Variants in ADAM10 observed in about 807,000 individuals in gnomAD.
ADAM10 encodes disintegrin and metalloproteinase domain-containing protein 10.
Under a neutral mutation model 90.1 loss-of-function variants are expected in ADAM10, and 17 were observed. That is an observed-to-expected ratio of 0.19 (90% CI 0.13 to 0.28). The LOEUF (loss-of-function observed/expected upper bound fraction) is 0.28, where lower values mean the gene tolerates loss of function less well. Among genes scored for constraint, ADAM10 ranks in the 10% least tolerant of loss-of-function variants. ADAM10 has a pLI of 1.00. For missense variants in ADAM10, 610 were observed against 914.3 expected, an observed-to-expected ratio of 0.67 and a Z score of 4.29; for synonymous variants, 310 against 298.6, an observed-to-expected ratio of 1.04 and a Z score of -0.40.
intron 1 of ADAM10, among the ~76,000 whole-genome samples, chr15:58,745,287 T>G (rs1413352827): frequency 6.6e-6 from 1 of 152,224 alleles, no homozygotes; most frequent in African/African-American, 2.4e-5. Flanking sequence ...ATTGCTGAAG[T>G]TATTGTTCCT....
rs567778269 is a variant in ADAM10 at position 58,729,919 on chromosome 15, G to A, written c.56-12192C>T. 2.7e-5 allele frequency among the ~76,000 whole-genome samples: 4 copies of A among 146,944 alleles called. No individual in the cohort carries two copies. The South Asian group carries it at 9.1e-4, about 33-fold the overall frequency. On this transcript the variant is annotated intron_variant, in intron 1 of 15. Coordinates refer to ENST00000260408, the MANE Select transcript of ADAM10 (RefSeq NM_001110.4). ...GGAGGCTGCGGCGAGCCAAGACCGT[G>A]CCACTGTACTCCAGCGTAAGCAACA...
chr15:58,621,452 A>T lies in ADAM10; in HGVS notation c.1511+19T>A. ...GTAACTTTACAAGAATGTTAACATC[A>T]CTGAAATTAGCAAGGTACCTGCACT... On this transcript the variant is annotated intron_variant, in intron 11 of 15. Coordinates refer to ENST00000260408, the MANE Select transcript of ADAM10 (RefSeq NM_001110.4). The T allele has an allele frequency of 6.2e-7, 1 of 1,613,978 alleles. No individual in the cohort carries two copies. Among genetic ancestry groups the T allele is most frequent in the African/African-American group, 1.3e-5 (1 of 75,014 alleles).
At chr15:58,615,347 T>C (rs1266686008) in intron 11 of ADAM10, among the ~76,000 whole-genome samples, 1 of 149,762 alleles carries the variant, frequency 6.7e-6, no homozygotes, top group African/African-American at 2.5e-5. Flanking sequence ...CCTACTGATA[T>C]CAATCATGAA....
rs1368243928 is a variant in ADAM10, at chr15:58,594,411, C to T, written c.*3136G>A. ...CTTACTACAGGGACAAATACAAGGA[C>T]TGAGGGTCGAGTAGTTTGCTCCGCT... On this transcript the variant is annotated 3_prime_UTR_variant, in exon 16 of 16. Coordinates refer to ENST00000260408, the MANE Select transcript of ADAM10 (RefSeq NM_001110.4). The T allele has an allele frequency of 3.3e-5, 5 of 152,184 alleles. No homozygotes were observed. The highest frequency in any genetic ancestry group is 9.7e-5 in the African/African-American group (4 of 41,444). The allele number at this position is 152,184 out of a possible 1,614,324, so 9.4% of individuals were successfully genotyped here.
chr15:58,721,465 T>C (rs1166799248), intron 1 of ADAM10, among the ~76,000 whole-genome samples: 6 of 152,182 alleles, frequency 3.9e-5, no homozygotes, highest in African/African-American at 1.4e-4. Context: ...ATGTATGAAA[T>C]TGAATTACAT....
At chr15:58,723,125 A>G (rs1463356286) in intron 1 of ADAM10, among the ~76,000 whole-genome samples, 4 of 152,074 alleles carry the variant, frequency 2.6e-5, no homozygotes, top group Non-Finnish European at 5.9e-5. Context: ...ACAGGCAGCC[A>G]AGGAATGAAA....
intron 5 of ADAM10, among the ~76,000 whole-genome samples, chr15:58,656,957 T>A (rs1896843363): frequency 6.6e-6 from 1 of 152,228 alleles, no homozygotes; most frequent in Non-Finnish European, 1.5e-5. Context: ...GCTATTTCCC[T>A]GAATATACTG....
At chr15:58,749,426 G>T (rs1899906185) in intron 1 of ADAM10, 54 bp downstream of exon 1, 2 of 1,491,754 alleles carry the variant, frequency 1.3e-6, no homozygotes, top group African/African-American at 2.9e-5. Context: ...CGCTCGGCCC[G>T]GCCGCCGCTC....
intron 3 of ADAM10, among the ~76,000 whole-genome samples, chr15:58,681,677 A>G (rs1289974213): frequency 6.6e-6 from 1 of 152,212 alleles, no homozygotes; most frequent in African/African-American, 2.4e-5. Flanking sequence ...TAAGTGTGCC[A>G]CTGATGCCCC....
At chr15:58,739,410 G>T (rs902857490) in intron 1 of ADAM10, among the ~76,000 whole-genome samples, 1 of 151,544 alleles carries the variant, frequency 6.6e-6, no homozygotes, top group South Asian at 2.1e-4. Context: ...CCAGCTACTC[G>T]GGAGGCTGAG....
intron 1 of ADAM10, among the ~76,000 whole-genome samples, chr15:58,717,950 T>C (rs752201405): frequency 2.6e-5 from 4 of 152,096 alleles, no homozygotes; most frequent in Non-Finnish European, 5.9e-5. Context: ...AGGTTTGTTT[T>C]AGATGTCCTT....
chr15:58,735,890 A>G (rs1000561477), intron 1 of ADAM10, among the ~76,000 whole-genome samples: 1 of 152,228 alleles, frequency 6.6e-6, no homozygotes, highest in Admixed American at 6.5e-5. Context: ...TTTTATACAT[A>G]CTTACAAAAG....
chr15:58,691,478 C>T (rs138344761), intron 2 of ADAM10: 1 of 628,278 alleles, frequency 1.6e-6, no homozygotes, highest in East Asian at 3.2e-5. Flanking sequence ...TCATGCAAGA[C>T]ACATACTCTG....
intron 2 of ADAM10, among the ~76,000 whole-genome samples, chr15:58,714,995 G>A (rs1298435953): frequency 2.6e-5 from 4 of 152,092 alleles, no homozygotes; most frequent in African/African-American, 2.4e-5. Context: ...AAATGACCAC[G>A]GTTTAGGGCA....
rs552946174 is a variant in ADAM10, at chr15:58,614,414, T to TA, written c.1512-2424dup. ...CAAAAGTCAAGGACATAGAGAATTC[T>TA]AAAAAAAACAGCAAGAGGAAAGTAT... On this transcript the variant is annotated intron_variant, in intron 11 of 15. Transcript: ENST00000260408. Among the ~76,000 whole-genome samples, 484 of 151,996 alleles carry TA rather than the reference T, an allele frequency of 3.2e-3. 5 individuals are homozygous for TA. The highest frequency in any genetic ancestry group is 9.0e-3 in the Admixed American group (138 of 15,270).
intron 1 of ADAM10, among the ~76,000 whole-genome samples, chr15:58,720,756 A>T (rs1898825422): frequency 6.6e-6 from 1 of 152,224 alleles, no homozygotes; most frequent in Non-Finnish European, 1.5e-5. Flanking sequence ...ATACCAATGC[A>T]TCTTCTGTAT....
At chr15:58,619,290 A>T (rs1015631715) in intron 11 of ADAM10, among the ~76,000 whole-genome samples, 1 of 152,208 alleles carries the variant, frequency 6.6e-6, no homozygotes, top group Non-Finnish European at 1.5e-5. Flanking sequence ...TTGATCTCAT[A>T]GAGGTTAGAG....
chr15:58,634,300 TA>T (rs61691654), intron 8 of ADAM10, among the ~76,000 whole-genome samples: 1,925 of 135,580 alleles, frequency 0.014, 19 homozygotes, highest in African/African-American at 0.028. Context: ...ACACTCTGTC[TA>T]AAAAAAAAAA....
rs1897337597 is a variant in ADAM10, at chr15:58,678,211, T to A, written c.484+913A>T. 2.6e-5 allele frequency among the ~76,000 whole-genome samples: 4 copies of A among 152,200 alleles called. No homozygotes were observed. The South Asian group carries it at 8.3e-4, about 31-fold the overall frequency. ...CCTAGTATACATATGTTATTTTCTA[T>A]AGCAATCTAGCAGCAGAGATAACAA... On this transcript the variant is annotated intron_variant, in intron 4 of 15. Transcript: ENST00000260408.
Sources: gnomAD v4.1 joint callset for allele counts (sites outside exome capture counted in the v4.1 genomes callset) on GRCh38, gnomAD v4.1.1 for gene constraint, MANE v1.5 for transcripts, NCBI Gene and HGNC (gene_info 2026-07-23, HGNC 2026-07-21) for gene names.